SHROOM3: variants seen among roughly 807,000 people sequenced by gnomAD.
The protein encoded by SHROOM3 is shroom family member 3, also known as protein Shroom3.
A neutral mutation model predicts 138.6 loss-of-function variants in SHROOM3; 47 were observed. The ratio of observed to expected loss-of-function variants is 0.34; its 90% confidence interval spans 0.27 to 0.43. The LOEUF (loss-of-function observed/expected upper bound fraction) is 0.43. Ranked by LOEUF, SHROOM3 falls within the 20% of genes least tolerant of loss-of-function variation. The pLI, the probability that SHROOM3 is intolerant of heterozygous loss-of-function variation, is 1.00. For synonymous variants in SHROOM3, 1,062 were observed against 1,063.3 expected (o/e 1.00, Z 0.02); for missense variants, 2,491 against 2,596.5 (o/e 0.96, Z 0.88).
chr4:76,470,485 T>C (rs2109981590), intron 1 of SHROOM3, among the ~76,000 whole-genome samples: 1 of 152,056 alleles, frequency 6.6e-6, no homozygotes, highest in Non-Finnish European at 1.5e-5. Context: ...AAAGAAAAAA[T>C]GACATACAAT....
rs1721220847 is a variant in SHROOM3 at position 76,740,703 on chromosome 4, G to C, written c.2530G>C (p.Gly844Arg). The C allele has an allele frequency of 6.2e-7, 1 of 1,613,710 alleles. No homozygotes were observed. The highest frequency in any genetic ancestry group is 1.3e-5 in the African/African-American group (1 of 74,940). The change falls in exon 5 of 11, where the codon GGG becomes CGG. Residue 844 changes from glycine to arginine, a missense_variant. Physicochemically the swap from Gly to Arg is moderately radical, Grantham distance 125. Around this residue, in one of 4 missense-constraint regions of SHROOM3, gnomAD observed 1,733 missense variants for 1,661.6 expected, o/e 1.04. Transcript: ENST00000296043. The surrounding 1 kb of genome is among the most constrained non-coding windows in gnomAD (Gnocchi z 4.0). ...FSESAEPLGN[G>R]EQHFKNGELK... ...TGAGTCAGCTGAACCCCTAGGCAAC[G>C]GGGAGCAGCACTTCAAAAACGGGGA...
chr4:76,667,565 C>T (rs886498340), intron 2 of SHROOM3, among the ~76,000 whole-genome samples: 16 of 152,128 alleles, frequency 1.1e-4, no homozygotes, highest in African/African-American at 3.6e-4. Flanking sequence ...CCTTCCTCCT[C>T]AGCCTCCCAA....
chr4:76,710,164 G>A lies in SHROOM3; in HGVS notation c.332G>A (p.Cys111Tyr), dbSNP rs775469084. ...TTTCCTATTGTTGACAGAGATGTGTGCACAGACCCAGGCCATGCAGATACT... is the reference window on the plus strand; with the variant it reads ...TTTCCTATTGTTGACAGAGATGTGTACACAGACCCAGGCCATGCAGATACT... The part of the protein sequence containing the change: ...TLRLVVRRDV[C>Y]TDPGHADTGA... The change falls in exon 3 of 11, where the codon TGC (cysteine) becomes TAC (tyrosine). Residue 111 changes from cysteine (C) to tyrosine (Y), a missense_variant. By Grantham distance (194) the Cys-to-Tyr change is radical. Around this residue, in one of 4 missense-constraint regions of SHROOM3, gnomAD observed 284 missense variants for 322.8 expected, o/e 0.88. Coordinates refer to ENST00000296043, the MANE Select transcript of SHROOM3 (RefSeq NM_020859.4). The A allele has an allele frequency of 6.2e-7, 1 of 1,614,044 alleles. No homozygotes were observed. The highest frequency in any genetic ancestry group is 8.5e-7 in the Non-Finnish European group (1 of 1,179,990).
chr4:76,505,571 A>G (rs976698816), intron 1 of SHROOM3, among the ~76,000 whole-genome samples: 2 of 152,050 alleles, frequency 1.3e-5, no homozygotes, highest in African/African-American at 4.8e-5. Flanking sequence ...AATAATAAAT[A>G]ATAATACAAC....
rs1721771143 is a variant in SHROOM3, at chr4:76,755,343, G to A, written c.4709+151G>A. The A allele has an allele frequency of 3.1e-6, 3 of 981,308 alleles. No homozygotes were observed. The East Asian group carries it at 7.9e-5, about 26-fold the overall frequency. The allele number at this position is 981,308 out of a possible 1,614,324, so 60.8% of individuals were successfully genotyped here. On this transcript the variant is annotated intron_variant, in intron 7 of 10. Transcript: ENST00000296043. ...GGACACTGTTGATCTGTTTGCCTCA[G>A]GAGGTAGTTGGACCAGTGTCATTGG...
intron 3 of SHROOM3, among the ~76,000 whole-genome samples, chr4:76,726,186 A>T (rs1474876130): frequency 6.7e-6 from 1 of 148,206 alleles, no homozygotes; most frequent in Non-Finnish European, 1.5e-5. Context: ...CCTCCTCCTC[A>T]CTCTCCCCAC....
intron 9 of SHROOM3, among the ~76,000 whole-genome samples, chr4:76,761,542 A>G (rs1721988261): frequency 6.6e-6 from 1 of 152,158 alleles, no homozygotes; most frequent in East Asian, 1.9e-4. Context: ...AATAGATGCT[A>G]AAGTCAGATT....
chr4:76,776,576 A>G (rs1043088219), intron 10 of SHROOM3, among the ~76,000 whole-genome samples: 10 of 152,218 alleles, frequency 6.6e-5, no homozygotes, highest in Non-Finnish European at 2.9e-5. Flanking sequence ...GCTAAGAGAA[A>G]AATGAAAGAC....
At position 76,580,309 on chromosome 4, in the gene SHROOM3, A is replaced by G. The variant is rs1577898543; in HGVS notation, c.323+24546A>G. Reference sequence around the variant, plus strand: ...AATACCCAAAGCTGCTAAGCATCATACATGCCATCTATGTCCCATTCCGAA... The same window carrying G: ...AATACCCAAAGCTGCTAAGCATCATGCATGCCATCTATGTCCCATTCCGAA... On this transcript the variant is annotated intron_variant, in intron 2 of 10. Coordinates refer to ENST00000296043, the MANE Select transcript of SHROOM3 (RefSeq NM_020859.4). Among the ~76,000 whole-genome samples, 3 of 152,346 alleles carry G rather than the reference A, an allele frequency of 2.0e-5. No individual in the cohort carries two copies. In the East Asian group the frequency reaches 5.8e-4, roughly 29 times the overall value.
chr4:76,487,642 A>C (rs1731760621), intron 1 of SHROOM3, among the ~76,000 whole-genome samples: 1 of 150,046 alleles, frequency 6.7e-6, no homozygotes, highest in Admixed American at 6.6e-5. Context: ...GGTGAACCAC[A>C]GAAAATTGAA....
At chr4:76,597,614 C>G (rs917859415) in intron 2 of SHROOM3, among the ~76,000 whole-genome samples, 3 of 152,068 alleles carry the variant, frequency 2.0e-5, no homozygotes, top group African/African-American at 7.2e-5. Context: ...GAGCAGGAGC[C>G]AGTGAAGGAC....
intron 1 of SHROOM3, among the ~76,000 whole-genome samples, chr4:76,479,666 A>G (rs1464014861): frequency 3.3e-5 from 5 of 152,160 alleles, no homozygotes; most frequent in Admixed American, 6.5e-5. Context: ...AACAACCCCA[A>G]GACACATAAT....
chr4:76,508,586 A>T (rs1340208792), intron 1 of SHROOM3, among the ~76,000 whole-genome samples: 1 of 152,224 alleles, frequency 6.6e-6, no homozygotes, highest in African/African-American at 2.4e-5. Flanking sequence ...TGCTGCAAAG[A>T]AGCCAAGTGA....
At chr4:76,507,765 C>T (rs928469167) in intron 1 of SHROOM3, among the ~76,000 whole-genome samples, 2 of 151,904 alleles carry the variant, frequency 1.3e-5, no homozygotes, top group African/African-American at 4.8e-5. Flanking sequence ...AGGATGGTCT[C>T]GATCTCCTGA....
intron 2 of SHROOM3, among the ~76,000 whole-genome samples, chr4:76,667,508 C>T (rs1245195104): frequency 6.6e-6 from 1 of 151,874 alleles, no homozygotes; most frequent in African/African-American, 2.4e-5. Flanking sequence ...TTTGTAGAAA[C>T]AAGGTCTCAC....
intron 1 of SHROOM3, among the ~76,000 whole-genome samples, chr4:76,522,829 A>T (rs1732594242): frequency 6.6e-6 from 1 of 152,028 alleles, no homozygotes; most frequent in Non-Finnish European, 1.5e-5. Flanking sequence ...AGTAAAAAAG[A>T]GATTATATAT....
At chr4:76,618,353 T>G (rs1284783262) in intron 2 of SHROOM3, among the ~76,000 whole-genome samples, 1 of 152,232 alleles carries the variant, frequency 6.6e-6, no homozygotes, top group Non-Finnish European at 1.5e-5. Flanking sequence ...CATAAGCAGT[T>G]ACTATATTAA....
chr4:76,756,558 G>C lies in SHROOM3; in HGVS notation c.4819G>C (p.Gly1607Arg), dbSNP rs1383868742. 6.2e-7 allele frequency: 1 copy of C among 1,613,420 alleles called. No individual in the cohort carries two copies. Among genetic ancestry groups the C allele is most frequent in the East Asian group, 2.2e-5 (1 of 44,826 alleles). Reference protein sequence around the residue: ...LASRLQTSIKGSEAESTPPSF... With the variant: ...LASRLQTSIKRSEAESTPPSF... The stretch of plus-strand genomic sequence containing the variant: ...TTCCAGACTCCAAACTTCTATCAAG[G>C]GTTCAGAGGCTGAGTCCACACCACC... The change falls in exon 8 of 11, where the codon GGT (glycine) becomes CGT (arginine). Residue 1607 changes from glycine to arginine, a missense_variant. Around this residue, in one of 4 missense-constraint regions of SHROOM3, gnomAD observed 470 missense variants for 595.0 expected, o/e 0.79. Coordinates refer to ENST00000296043, the MANE Select transcript of SHROOM3 (RefSeq NM_020859.4).
chr4:76,570,991 T>A (rs1733823645), intron 2 of SHROOM3, among the ~76,000 whole-genome samples: 1 of 152,206 alleles, frequency 6.6e-6, no homozygotes, highest in Non-Finnish European at 1.5e-5. Context: ...TCTGAAGAAG[T>A]GGACCAATTG....
Sources: allele counts gnomAD v4.1 joint callset (sites outside exome capture counted in the v4.1 genomes callset), GRCh38; gene constraint gnomAD v4.1.1; regional missense constraint gnomAD v4.1.1; non-coding constraint Gnocchi (gnomAD v3.1); transcripts MANE v1.5; gene names NCBI Gene and HGNC (gene_info 2026-07-23, HGNC 2026-07-21).